SUPT5H: variants seen among roughly 807,000 people sequenced by gnomAD.
SUPT5H encodes transcription elongation factor SPT5.
Under a neutral mutation model 142.5 loss-of-function variants are expected in SUPT5H, and 24 were observed. The ratio of observed to expected loss-of-function variants is 0.17; its 90% confidence interval spans 0.12 to 0.24. The LOEUF is 0.24. Ranked by LOEUF, SUPT5H falls within the 10% of genes least tolerant of loss-of-function variation. The pLI is 1.00. For missense variants in SUPT5H, 893 were observed against 1,471.8 expected, an observed-to-expected ratio of 0.61 and a Z score of 6.43; for synonymous variants, 546 against 553.0, an observed-to-expected ratio of 0.99 and a Z score of 0.18.
At chr19:39,457,600 AGAG>A in intron 3 of SUPT5H, 72 bp from the exon 4 acceptor site, 2 of 1,575,170 alleles carry the variant, frequency 1.3e-6, no homozygotes, top group Non-Finnish European at 1.7e-6. Context: ...CACATCTCCC[AGAG>A]GAGATGCTTC....
rs894730478 is a variant in SUPT5H, at chr19:39,445,693, A to G, written c.-88+56A>G. 3 of 638,586 alleles carry G rather than the reference A, an allele frequency of 4.7e-6. No individual in the cohort carries two copies. In the African/African-American group the frequency reaches 5.5e-5, roughly 12 times the overall value. 39.6% of individuals were successfully genotyped at this position (638,586 alleles called of 1,614,324 possible). A position where few individuals can be genotyped will look rare whatever the true frequency, so the allele number is the denominator to read the frequency against. ...GGCGCCGGGGAGGTGTAGAGAACAG[A>G]TTCGGAAACTGGGGAGGTCTAGCAT... On this transcript the variant is annotated intron_variant, in intron 1 of 29. Transcript: ENST00000432763.
chr19:39,460,040 C>T (rs2079141558), intron 10 of SUPT5H, 80 bp downstream of exon 10: 3 of 1,472,640 alleles, frequency 2.0e-6, no homozygotes, highest in Middle Eastern at 1.9e-4. Flanking sequence ...TCAGGGGTAC[C>T]AGGTGCCTCT....
At chr19:39,461,799 G>A (rs1485569246) in intron 10 of SUPT5H, among the ~76,000 whole-genome samples, 1 of 148,772 alleles carries the variant, frequency 6.7e-6, no homozygotes, top group African/African-American at 2.5e-5. Flanking sequence ...ACTCCAGCCT[G>A]GGCAACAGAG....
rs781281856 is a variant in SUPT5H at position 39,445,582 on chromosome 19, A to G, written c.-143A>G. 53 of 379,950 alleles carry G rather than the reference A, an allele frequency of 1.4e-4. No homozygotes were observed. Among genetic ancestry groups the G allele is most frequent in the Admixed American group, 2.9e-4 (8 of 27,424 alleles). The allele number at this position is 379,950 out of a possible 1,614,324, so 23.5% of individuals were successfully genotyped here. On this transcript the variant is annotated 5_prime_UTR_variant, in exon 1 of 30. Coordinates refer to ENST00000432763, the MANE Select transcript of SUPT5H (RefSeq NM_001111020.3). ...TCTCGCGAGAGGACCCGTCAGCCCC[A>G]GTCAGGCGTCGTGCGAACAGCAGCT...
intron 28 of SUPT5H, chr19:39,475,024 C>G (rs927845179): frequency 2.2e-6 from 1 of 456,304 alleles, no homozygotes; most frequent in Non-Finnish European, 4.0e-6. Context: ...GTGCAGAGGC[C>G]TGGAGGTGAG....
In SUPT5H at chr19:39,459,013, G is replaced by A; in HGVS notation, c.398G>A (p.Arg133Gln). 8 of 1,614,074 alleles carry A rather than the reference G, an allele frequency of 5.0e-6. No homozygotes were observed. Among genetic ancestry groups the A allele is most frequent in the East Asian group, 2.2e-5 (1 of 44,886 alleles). Residue 133 changes from arginine to glutamine, a missense_variant, in exon 7 of 30, where the codon CGA becomes CAA. By Grantham distance (43) the Arg-to-Gln change is conservative. This residue lies in a region of SUPT5H where 428 missense variants were observed against 763.5 expected (regional missense o/e 0.56). Coordinates refer to ENST00000432763, the MANE Select transcript of SUPT5H (RefSeq NM_001111020.3). ...CCCCACTCGTGCTCCAGGGACCAGCGAGAAGAAGAACTGGGCGAGTATTAC... is the reference window on the plus strand; with the variant it reads ...CCCCACTCGTGCTCCAGGGACCAGCAAGAAGAAGAACTGGGCGAGTATTAC... ...RRLQNLWRDQ[R>Q]EEELGEYYMK... is the part of the protein sequence containing the mutation.
Position 39,469,352 on chromosome 19 carries a change from T to C in SUPT5H, c.1328T>C (p.Val443Ala). ...LINLQGKILS[V>A]DGNKITIMPK... The stretch of plus-strand genomic sequence containing the variant: ...AACCTGCAGGGCAAGATCCTCAGCG[T>C]GGATGGCAACAAGATCACCATCATG... Residue 443 changes from valine to alanine, a missense_variant, in exon 16 of 30, where the codon GTG (valine) becomes GCG (alanine). Val to Ala is a moderately conservative substitution (Grantham distance 64). Around this residue, in one of 6 missense-constraint regions of SUPT5H, gnomAD observed 428 missense variants for 763.5 expected, o/e 0.56. Coordinates refer to ENST00000432763, the MANE Select transcript of SUPT5H (RefSeq NM_001111020.3). This position sits in a 1 kb window ranked among gnomAD's most constrained non-coding sequence, Gnocchi z 5.1. 2 of 1,614,200 alleles carry C rather than the reference T, an allele frequency of 1.2e-6. No homozygotes were observed.
intron 2 of SUPT5H, among the ~76,000 whole-genome samples, chr19:39,450,093 C>T (rs1190830887): frequency 6.6e-6 from 1 of 151,960 alleles, no homozygotes; most frequent in Non-Finnish European, 1.5e-5. Context: ...ATTTTGCCAC[C>T]ATGCCTGGTT....
chr19:39,464,801 C>T lies in SUPT5H; in HGVS notation c.628C>T (p.Leu210=), dbSNP rs1255600536. Residue 210 remains leucine, a synonymous_variant, in exon 11 of 30, where the codon CTG becomes TTG. Coordinates refer to ENST00000432763, the MANE Select transcript of SUPT5H (RefSeq NM_001111020.3). The part of the protein sequence containing the change: ...FIAYQFTDTP[L]QIKSVVAPEH... Reference sequence around the variant, plus strand: ...CTTCCACCGGCTCACCCTGCAGCCCCTGCAGATCAAGTCAGTAGTGGCACC... The same window carrying T: ...CTTCCACCGGCTCACCCTGCAGCCCTTGCAGATCAAGTCAGTAGTGGCACC... The T allele has an allele frequency of 3.7e-6, 6 of 1,602,826 alleles. No homozygotes were observed. The highest frequency in any genetic ancestry group is 5.1e-6 in the Non-Finnish European group (6 of 1,171,048).
At chr19:39,454,357 T>TCG (rs1491397504) in intron 3 of SUPT5H, among the ~76,000 whole-genome samples, 4 of 25,246 alleles carry the variant, frequency 1.6e-4, no homozygotes, top group African/African-American at 1.2e-3. Context: ...GTTGTCGTTG[T>TCG]TTTTTTTTTT....
chr19:39,469,524 G>C lies in SUPT5H; in HGVS notation c.1374+126G>C. 1 of 1,373,500 alleles carries C rather than the reference G, an allele frequency of 7.3e-7. No homozygotes were observed. The highest frequency in any genetic ancestry group is 2.0e-5 in the Admixed American group (1 of 49,578). The allele number at this position is 1,373,500 out of a possible 1,614,324, so 85.1% of individuals were successfully genotyped here. On this transcript the variant is annotated intron_variant, in intron 16 of 29. Transcript: ENST00000432763. The surrounding 1 kb of genome is among the most constrained non-coding windows in gnomAD (Gnocchi z 5.1). Reference sequence around the variant, plus strand: ...AGGAGGGTAAGTTGAGGCCCTTCTAGCATTCTCAGGTGCCTGAGAGGCTCT... The same window carrying C: ...AGGAGGGTAAGTTGAGGCCCTTCTACCATTCTCAGGTGCCTGAGAGGCTCT...
chr19:39,476,670 A>AGTGCGT, downstream of SUPT5H: 2 of 342,948 alleles, frequency 5.8e-6, no homozygotes, highest in African/African-American at 9.1e-5. Flanking sequence ...TTGGTCTAAA[A>AGTGCGT]GTGCGTGTGT....
chr19:39,463,332 A>G (rs931296487), intron 10 of SUPT5H, among the ~76,000 whole-genome samples: 5 of 152,070 alleles, frequency 3.3e-5, no homozygotes, highest in African/African-American at 9.7e-5. Context: ...ATTTACAGCT[A>G]TACATTTACT....
Position 39,469,877 on chromosome 19 carries a change from C to T in SUPT5H, c.1375-242C>T, listed in dbSNP as rs2079295321. ...GGCTCTCTGTGTGGGTATAGGTAGG[C>T]ATCGTGTGTCTTGAGGGCGGGCTGG... On this transcript the variant is annotated intron_variant, in intron 16 of 29. Transcript: ENST00000432763. This position sits in a 1 kb window ranked among gnomAD's most constrained non-coding sequence, Gnocchi z 5.1. The T allele has an allele frequency of 3.8e-6, 2 of 532,304 alleles. No individual in the cohort carries two copies. The highest frequency in any genetic ancestry group is 2.2e-5 in the South Asian group (1 of 46,290). 33.0% of individuals were successfully genotyped at this position (532,304 alleles called of 1,614,324 possible).
intron 10 of SUPT5H, among the ~76,000 whole-genome samples, chr19:39,461,073 G>A (rs890536250): frequency 1.3e-5 from 2 of 151,556 alleles, no homozygotes; most frequent in Non-Finnish European, 2.9e-5. Flanking sequence ...TTAGGAGTTC[G>A]AAACCAGCCA....
Position 39,474,791 on chromosome 19 carries a change from T to A in SUPT5H, c.3024+73T>A. 1 of 1,494,192 alleles carries A rather than the reference T, an allele frequency of 6.7e-7. No individual in the cohort carries two copies. The highest frequency in any genetic ancestry group is 9.1e-7 in the Non-Finnish European group (1 of 1,101,728). The allele number at this position is 1,494,192 out of a possible 1,614,324, so 92.6% of individuals were successfully genotyped here. A position where few individuals can be genotyped will look rare whatever the true frequency, so the allele number is the denominator to read the frequency against. On this transcript the variant is annotated intron_variant, in intron 28 of 29. Coordinates refer to ENST00000432763, the MANE Select transcript of SUPT5H (RefSeq NM_001111020.3). This position sits in a 1 kb window ranked among gnomAD's most constrained non-coding sequence, Gnocchi z 6.5. ...ACCCCCTAAACTGGAGACAGACCTGTCCCCAGATGGTGACAGCCCAGAGTG... is the reference window on the plus strand; with the variant it reads ...ACCCCCTAAACTGGAGACAGACCTGACCCCAGATGGTGACAGCCCAGAGTG...
At chr19:39,457,440 A>C (rs1314697528) in intron 3 of SUPT5H, among the ~76,000 whole-genome samples, 2 of 152,100 alleles carry the variant, frequency 1.3e-5, no homozygotes, top group Admixed American at 6.5e-5. Context: ...TTGGGAGTGG[A>C]GTAAGGAGAG....
chr19:39,464,745 G>A (rs2079211988), intron 10 of SUPT5H, 53 bp from the exon 11 acceptor site: 2 of 1,542,570 alleles, frequency 1.3e-6, no homozygotes, highest in African/African-American at 1.4e-5. Context: ...AGTCATTTCT[G>A]TTATTAGCCG....
In SUPT5H at chr19:39,458,164, C is replaced by T. The variant is rs553206677; in HGVS notation, c.308-130C>T. 7.6e-6 allele frequency: 11 copies of T among 1,448,846 alleles called. 1 individual carries two copies. In the Admixed American group the frequency reaches 2.1e-4, roughly 27 times the overall value. 89.7% of individuals were successfully genotyped at this position (1,448,846 alleles called of 1,614,324 possible). A position where few individuals can be genotyped will look rare whatever the true frequency, so the allele number is the denominator to read the frequency against. Reference sequence around the variant, plus strand: ...GTTTTCAACCTTTCTGTGTCCCTCCCTTCCCCTCCCCCAACCCATTGGTTG... The same window carrying T: ...GTTTTCAACCTTTCTGTGTCCCTCCTTTCCCCTCCCCCAACCCATTGGTTG... On this transcript the variant is annotated intron_variant, in intron 4 of 29. Transcript: ENST00000432763. This position sits in a 1 kb window ranked among gnomAD's most constrained non-coding sequence, Gnocchi z 4.2.
Sources: allele counts gnomAD v4.1 joint callset (sites outside exome capture counted in the v4.1 genomes callset), GRCh38; gene constraint gnomAD v4.1.1; regional missense constraint gnomAD v4.1.1; non-coding constraint Gnocchi (gnomAD v3.1); transcripts MANE v1.5; gene names NCBI Gene and HGNC (gene_info 2026-07-23, HGNC 2026-07-21).